The following TDRD5 variants were observed in gnomAD, a reference collection of about 807,000 sequenced individuals.
TDRD5 encodes tudor domain containing 5, also known as tudor domain-containing protein 5.
A neutral mutation model predicts 120.6 loss-of-function variants in TDRD5; 41 were observed. That is an observed-to-expected ratio of 0.34 (90% CI 0.26 to 0.44). The LOEUF (loss-of-function observed/expected upper bound fraction) is 0.44. Among genes scored for constraint, TDRD5 ranks in the 20% least tolerant of loss-of-function variants. The probability of loss-of-function intolerance (pLI) is 1.00; values close to 1 mark genes in which losing one functional copy is unlikely to be tolerated. For missense variants in TDRD5, 1,006 were observed against 1,221.2 expected, an observed-to-expected ratio of 0.82 and a Z score of 2.63; for synonymous variants, 430 against 433.7, an observed-to-expected ratio of 0.99 and a Z score of 0.11.
chr1:179,674,437 G>A (rs542519415), intron 17 of TDRD5, among the ~76,000 whole-genome samples: 4 of 152,206 alleles, frequency 2.6e-5, no homozygotes, highest in East Asian at 1.9e-4. Flanking sequence ...ACTGGATTCA[G>A]TTCACTAGTA....
intron 17 of TDRD5, among the ~76,000 whole-genome samples, chr1:179,683,370 T>G (rs866491093): frequency 5.9e-5 from 9 of 152,210 alleles, no homozygotes; most frequent in African/African-American, 1.4e-4. Context: ...CTTAAATCTT[T>G]GGTCACGTGT....
At position 179,643,290 on chromosome 1, in the gene TDRD5, A is replaced by G. The variant is rs1476085827; in HGVS notation, c.1800+2845A>G. Among the ~76,000 whole-genome samples, 3 of 152,180 alleles carry G rather than the reference A, an allele frequency of 2.0e-5. No individual in the cohort carries two copies. In the South Asian group the frequency reaches 6.2e-4, roughly 32 times the overall value. ...ATCCAGAAGCTCTAAAACATTGATA[A>G]TGTTTACTATTCAACTAAAAATCAC... On this transcript the variant is annotated intron_variant, in intron 11 of 17. Coordinates refer to ENST00000444136, the MANE Select transcript of TDRD5 (RefSeq NM_001199085.3).
At chr1:179,627,754 C>T (rs1677207096) in intron 6 of TDRD5, among the ~76,000 whole-genome samples, 1 of 152,150 alleles carries the variant, frequency 6.6e-6, no homozygotes, top group African/African-American at 2.4e-5. Context: ...ACTAAAAAAA[C>T]TGATGACTCA....
intron 14 of TDRD5, among the ~76,000 whole-genome samples, chr1:179,660,915 ATTAC>A (rs1300779981): frequency 6.6e-6 from 1 of 152,098 alleles, no homozygotes; most frequent in African/African-American, 2.4e-5. Flanking sequence ...GAATATATTT[ATTAC>A]TTCATTCTTG....
intron 7 of TDRD5, among the ~76,000 whole-genome samples, chr1:179,632,053 C>T (rs1245201961): frequency 1.3e-5 from 2 of 151,692 alleles, no homozygotes; most frequent in African/African-American, 4.8e-5. Flanking sequence ...ATTACAGGCA[C>T]CTGCCACCAC....
intron 6 of TDRD5, among the ~76,000 whole-genome samples, chr1:179,625,398 A>C (rs1240946185): frequency 1.3e-5 from 2 of 152,182 alleles, no homozygotes; most frequent in East Asian, 3.8e-4. Flanking sequence ...ACTGGGAAGA[A>C]ATATTTACAA....
chr1:179,684,819 T>C (rs1478292757), intron 17 of TDRD5, among the ~76,000 whole-genome samples: 1 of 152,262 alleles, frequency 6.6e-6, no homozygotes, highest in Non-Finnish European at 1.5e-5. Flanking sequence ...CATTTTTTCA[T>C]GTGTCTGTTG....
chr1:179,661,997 A>T, intron 14 of TDRD5, 107 bp from the exon 15 acceptor site: 1 of 1,024,346 alleles, frequency 9.8e-7, no homozygotes, highest in Non-Finnish European at 1.3e-6. Context: ...GTGAATTCAA[A>T]CTGTCATCTT....
At chr1:179,615,059 A>G (rs1386179449) in intron 4 of TDRD5, among the ~76,000 whole-genome samples, 1 of 152,004 alleles carries the variant, frequency 6.6e-6, no homozygotes, top group Non-Finnish European at 1.5e-5. Flanking sequence ...GGTAACCACG[A>G]TTTTACTCTG....
chr1:179,680,667 T>G (rs925651689), intron 17 of TDRD5, among the ~76,000 whole-genome samples: 4 of 152,204 alleles, frequency 2.6e-5, no homozygotes, highest in African/African-American at 9.6e-5. Context: ...TCTTTATACT[T>G]AAAATAGGTT....
chr1:179,618,448 T>C, intron 4 of TDRD5, 151 bp from the exon 5 acceptor site: 1 of 475,248 alleles, frequency 2.1e-6, no homozygotes, highest in East Asian at 3.6e-5. Flanking sequence ...TGGTATGAAA[T>C]GCTACAGTTC....
At chr1:179,632,068 A>C (rs947406985) in intron 7 of TDRD5, among the ~76,000 whole-genome samples, 1 of 151,514 alleles carries the variant, frequency 6.6e-6, no homozygotes, top group African/African-American at 2.4e-5. Context: ...CACCACGCCC[A>C]GCTAATTTTT....
chr1:179,674,411 A>T (rs929030059), intron 17 of TDRD5, among the ~76,000 whole-genome samples: 1 of 152,290 alleles, frequency 6.6e-6, no homozygotes, highest in Admixed American at 6.5e-5. Flanking sequence ...ATGGTGGATT[A>T]TCTTTTCAGT....
chr1:179,614,177 A>G (rs867630785), intron 4 of TDRD5, among the ~76,000 whole-genome samples: 2 of 152,222 alleles, frequency 1.3e-5, no homozygotes, highest in African/African-American at 2.4e-5. Context: ...TACTCTTATC[A>G]CATGAAAATT....
At chr1:179,688,865 G>A (rs186654744) in intron 17 of TDRD5, among the ~76,000 whole-genome samples, 15 of 152,238 alleles carry the variant, frequency 9.9e-5, no homozygotes, top group African/African-American at 1.4e-4. Context: ...CATGCATCAC[G>A]CAGTTCTCAT....
chr1:179,689,347 AGCAGAGGCT>A (rs1169519677), intron 17 of TDRD5, among the ~76,000 whole-genome samples: 2 of 152,208 alleles, frequency 1.3e-5, no homozygotes, highest in Non-Finnish European at 2.9e-5. Context: ...GGGTATCACC[AGCAGAGGCT>A]GCAGAACAGC....
chr1:179,661,767 G>C (rs1162237249), intron 14 of TDRD5, among the ~76,000 whole-genome samples: 5 of 152,054 alleles, frequency 3.3e-5, no homozygotes, highest in Non-Finnish European at 5.9e-5. Context: ...CTGAGTTTTT[G>C]AGGTATATAT....
intron 6 of TDRD5, among the ~76,000 whole-genome samples, chr1:179,626,072 G>C (rs1291419697): frequency 6.6e-6 from 1 of 151,974 alleles, no homozygotes; most frequent in Admixed American, 6.6e-5. Flanking sequence ...TGTGGGGTGG[G>C]GCAGGGGGGA....
At chr1:179,637,913 A>G (rs953814476) in intron 9 of TDRD5, among the ~76,000 whole-genome samples, 1 of 152,222 alleles carries the variant, frequency 6.6e-6, no homozygotes, top group Non-Finnish European at 1.5e-5. Flanking sequence ...CACAAAAGAG[A>G]TAATTGAGCT....
Sources: gnomAD v4.1 joint callset for allele counts (sites outside exome capture counted in the v4.1 genomes callset) on GRCh38, gnomAD v4.1.1 for gene constraint, MANE v1.5 for transcripts, NCBI Gene and HGNC (gene_info 2026-07-23, HGNC 2026-07-21) for gene names.